AKNA: variants seen among roughly 807,000 people sequenced by gnomAD.
The protein encoded by AKNA is AT-hook transcription factor, also known as microtubule organization protein AKNA.
AKNA carries 67 observed loss-of-function variants against 138.8 expected under a neutral mutation model. The ratio of observed to expected loss-of-function variants is 0.48; its 90% CI spans 0.40 to 0.59. AKNA has a LOEUF of 0.59. AKNA is among the 20% of genes least tolerant of loss of function. The pLI is 0.00. For synonymous variants in AKNA, 737 were observed against 754.4 expected, an observed-to-expected ratio of 0.98 and a Z score of 0.38; for missense variants, 1,813 against 1,880.4, an observed-to-expected ratio of 0.96 and a Z score of 0.66.
chr9:114,342,212 G>T, intron 19 of AKNA, 87 bp from the exon 20 acceptor site: 1 of 982,580 alleles, frequency 1.0e-6, no homozygotes, highest in Non-Finnish European at 1.5e-6. Context: ...GCAGCACTGA[G>T]CTCTCCTCGG....
At chr9:114,374,276 G>A (rs936229879) in intron 3 of AKNA, 109 bp from the exon 4 acceptor site, 6 of 1,068,376 alleles carry the variant, frequency 5.6e-6, no homozygotes, top group Non-Finnish European at 8.4e-6. Context: ...CTGGGTTCCT[G>A]AGAGGAAAGC....
chr9:114,374,038 G>A, intron 4 of AKNA, 55 bp downstream of exon 4: 1 of 1,527,676 alleles, frequency 6.5e-7, no homozygotes, highest in South Asian at 1.2e-5. Flanking sequence ...CTATGGAAAA[G>A]TGTCACCTCC....
intron 2 of AKNA, 178 bp from the exon 3 acceptor site, chr9:114,377,710 A>C: frequency 7.3e-6 from 5 of 684,226 alleles, no homozygotes; most frequent in Non-Finnish European, 1.2e-5. Context: ...TGATTATCTC[A>C]GAGGTCCTTC....
chr9:114,382,017 A>G (rs1833721367), intron 1 of AKNA, among the ~76,000 whole-genome samples: 1 of 152,192 alleles, frequency 6.6e-6, no homozygotes, highest in Non-Finnish European at 1.5e-5. Flanking sequence ...ACCAACGAAC[A>G]GGTGTTGAAT....
chr9:114,341,185 A>G (rs2131778585), intron 21 of AKNA, among the ~76,000 whole-genome samples: 1 of 152,318 alleles, frequency 6.6e-6, no homozygotes, highest in African/African-American at 2.4e-5. Flanking sequence ...CCCAGTGCTC[A>G]TCACTTACTT....
rs185742809 is a variant in AKNA, at chr9:114,386,076, G to A, written c.-114+1784C>T. On this transcript the variant is annotated intron_variant, in intron 1 of 21. Coordinates refer to ENST00000374088, the MANE Select transcript of AKNA (RefSeq NM_001317950.2). ...AGTCCCTGATTGACTCAGCTTCTAA[G>A]GGCAACAGCCTCAGAACTGTTAACC... Among the ~76,000 whole-genome samples the A allele has an allele frequency of 1.6e-3, 239 of 152,250 alleles. 1 individual carries two copies. The highest frequency in any genetic ancestry group is 5.4e-3 in the African/African-American group (224 of 41,528).
chr9:114,384,906 C>T (rs1311519613), intron 1 of AKNA, among the ~76,000 whole-genome samples: 3 of 152,118 alleles, frequency 2.0e-5, no homozygotes, highest in African/African-American at 4.8e-5. Context: ...GGCTGGAGTA[C>T]AATGGCAATC....
downstream of AKNA, chr9:114,330,784 G>A (rs779438492): frequency 2.5e-6 from 4 of 1,613,500 alleles, no homozygotes; most frequent in Non-Finnish European, 3.4e-6. Context: ...CCTTCTGGTT[G>A]ACTTTAGCCA....
At chr9:114,339,942 C>CA (rs1830228198) in intron 21 of AKNA, among the ~76,000 whole-genome samples, 1 of 151,972 alleles carries the variant, frequency 6.6e-6, no homozygotes, top group Admixed American at 6.5e-5. Context: ...CCAAAAATAC[C>CA]AAAAAAATTA....
chr9:114,337,421 C>T (rs1334020534), intron 21 of AKNA, 115 bp from the exon 22 acceptor site: 5 of 1,080,064 alleles, frequency 4.6e-6, no homozygotes, highest in East Asian at 6.1e-5. Context: ...GTGGCTCCTA[C>T]TCTCTGGGTC....
intron 1 of AKNA, 71 bp downstream of exon 1, chr9:114,387,789 C>T (rs1005702867): frequency 1.6e-5 from 6 of 364,010 alleles, no homozygotes; most frequent in East Asian, 8.0e-5. Flanking sequence ...TGGACTGTCC[C>T]GGAGAGTCTG....
rs150577135 is a variant in AKNA at position 114,374,138 on chromosome 9, G to A, written c.1371C>T (p.Tyr457=). 78 of 1,559,350 alleles carry A rather than the reference G, an allele frequency of 5.0e-5. 1 individual carries two copies. The highest frequency in any genetic ancestry group is 5.0e-4 in the Middle Eastern group (3 of 6,002). Residue 457 remains tyrosine (Y), a synonymous_variant, in exon 4 of 22, where the codon TAC becomes TAT. Transcript: ENST00000374088. Reference sequence around the variant, plus strand: ...GGTCAATGGTGTTCTCGGCCTCAGCGTACTTGGTGAGGAGCCTGTGGTAGT... The same window carrying A: ...GGTCAATGGTGTTCTCGGCCTCAGCATACTTGGTGAGGAGCCTGTGGTAGT... ...QEDYHRLLTK[Y]AEAENTIDQL... is the part of the protein sequence containing the mutation.
At chr9:114,356,500 G>A (rs146950283) in intron 13 of AKNA, among the ~76,000 whole-genome samples, 89 of 152,208 alleles carry the variant, frequency 5.8e-4, no homozygotes, top group African/African-American at 1.9e-3. Flanking sequence ...TGTCCCCTCC[G>A]CCTTCTCCCT....
At chr9:114,380,343 T>A (rs1317638829) in intron 2 of AKNA, among the ~76,000 whole-genome samples, 1 of 152,142 alleles carries the variant, frequency 6.6e-6, no homozygotes, top group African/African-American at 2.4e-5. Context: ...CCATGGAATA[T>A]CCATGGAAGT....
chr9:114,330,655 C>T (rs1829835828), downstream of AKNA: 1 of 1,600,010 alleles, frequency 6.2e-7, no homozygotes, highest in Non-Finnish European at 8.5e-7. Context: ...TCTTCCTGGC[C>T]TTGGCCTTCC....
chr9:114,358,326 G>A, intron 11 of AKNA, 159 bp from the exon 12 acceptor site: 1 of 949,404 alleles, frequency 1.1e-6, no homozygotes. Context: ...GTGTGACCTA[G>A]GGCAAGGCAC....
At position 114,345,966 on chromosome 9, in the gene AKNA, C is replaced by T; in HGVS notation, c.3558G>A (p.Lys1186=). The change falls in exon 18 of 22, where the codon AAG becomes AAA. Residue 1186 remains lysine (K), a synonymous_variant. Coordinates refer to ENST00000374088, the MANE Select transcript of AKNA (RefSeq NM_001317950.2). ...GTGGACTGTCCTTGGTGGTCTTGCT[C>T]TTCTCAGAGAACAGTGGTAGGGAGG... ...ELPSLPLFSE[K]SKTTKDSPQA... 6.2e-7 allele frequency: 1 copy of T among 1,614,022 alleles called. No homozygotes were observed. Among genetic ancestry groups the T allele is most frequent in the Non-Finnish European group, 8.5e-7 (1 of 1,179,996 alleles).
At chr9:114,354,869 C>CTTTT (rs951126529) in intron 14 of AKNA, among the ~76,000 whole-genome samples, 1 of 133,740 alleles carries the variant, frequency 7.5e-6, no homozygotes, top group South Asian at 2.3e-4. Context: ...CTATACGGTA[C>CTTTT]TTTTTTTTTT....
At chr9:114,331,736 C>A, downstream of AKNA, 3 of 1,583,518 alleles carry the variant, frequency 1.9e-6, no homozygotes, top group Middle Eastern at 1.7e-4. Flanking sequence ...CATTCACCCA[C>A]CCCTGGGCTG....
Sources: allele counts gnomAD v4.1 joint callset (sites outside exome capture counted in the v4.1 genomes callset), GRCh38; gene constraint gnomAD v4.1.1; transcripts MANE v1.5; gene names NCBI Gene and HGNC (gene_info 2026-07-23, HGNC 2026-07-21).